WIZ: variants seen among roughly 807,000 people sequenced by gnomAD.
WIZ encodes WIZ zinc finger.
WIZ carries 25 observed loss-of-function variants against 140.2 expected under a neutral mutation model. That is an observed-to-expected ratio of 0.18 (90% CI 0.13 to 0.25). WIZ has a LOEUF of 0.25. Among genes scored for constraint, WIZ ranks in the 10% least tolerant of loss-of-function variants. WIZ has a pLI of 1.00. For synonymous variants in WIZ, 1,125 were observed against 1,154.3 expected, an observed-to-expected ratio of 0.97 and a Z score of 0.51; for missense variants, 2,231 against 2,632.6, an observed-to-expected ratio of 0.85 and a Z score of 3.34.
At chr19:15,437,206 C>A in intron 4 of WIZ, 77 bp from the exon 5 acceptor site, 2 of 1,368,100 alleles carry the variant, frequency 1.5e-6, no homozygotes, top group South Asian at 1.4e-5. Flanking sequence ...ATATTCAGGG[C>A]TTCACCCTGG....
In WIZ at chr19:15,421,891, C is replaced by T. The variant is rs1373376457; in HGVS notation, c.*1185G>A. On this transcript the variant is annotated 3_prime_UTR_variant, in exon 13 of 13. Coordinates refer to ENST00000673675, the MANE Select transcript of WIZ (RefSeq NM_001371589.1). ...CGCTTTGCCAGCCAGCCAGAGACCC[C>T]CTCCCAGCCATGGCCTAAAGAGCCA... 1.3e-5 allele frequency: 2 copies of T among 152,266 alleles called. No homozygotes were observed. Among genetic ancestry groups the T allele is most frequent in the Non-Finnish European group, 2.9e-5 (2 of 68,078 alleles). 9.4% of individuals were successfully genotyped at this position (152,266 alleles called of 1,614,324 possible).
In WIZ at chr19:15,427,534, C is replaced by G; in HGVS notation, c.3815-1G>C. The stretch of plus-strand genomic sequence containing the variant: ...TCTCGTGCTGGCTCTGGGCCTGAGG[C>G]TGCAGCAGGAGGAGAAAGGGGCAGT... On this transcript the variant is annotated splice_acceptor_variant, in intron 8 of 12. Coordinates refer to ENST00000673675, the MANE Select transcript of WIZ (RefSeq NM_001371589.1). LOFTEE classifies it high-confidence loss of function. The surrounding 1 kb of genome is among the most constrained non-coding windows in gnomAD (Gnocchi z 6.4). The G allele has an allele frequency of 6.2e-7, 1 of 1,602,296 alleles. No individual in the cohort carries two copies. The highest frequency in any genetic ancestry group is 8.5e-7 in the Non-Finnish European group (1 of 1,171,878).
rs78679545 is a variant in WIZ at position 15,442,405 on chromosome 19, G to C, written c.278+271C>G. 2.7e-4 allele frequency among the ~76,000 whole-genome samples: 41 copies of C among 152,306 alleles called. No homozygotes were observed. In the East Asian group the frequency reaches 7.5e-3, roughly 28 times the overall value. On this transcript the variant is annotated intron_variant, in intron 3 of 12. Coordinates refer to ENST00000673675, the MANE Select transcript of WIZ (RefSeq NM_001371589.1). The surrounding 1 kb of genome is among the most constrained non-coding windows in gnomAD (Gnocchi z 5.5). ...CATTCTAAGGGTCACCTGGCAGAGA[G>C]AGGACTTGAAGGGTCCAACATCCAG...
In WIZ at chr19:15,431,096, G is replaced by A; in HGVS notation, c.2827C>T (p.Leu943=). ...CTCAGCCGACTGGCCACCTGCTCCAGGGCCCCAGGGACAGGCAGGCTCTTC... is the reference window on the plus strand; with the variant it reads ...CTCAGCCGACTGGCCACCTGCTCCAAGGCCCCAGGGACAGGCAGGCTCTTC... ...PKKSLPVPGA[L]EQVASRLSSK... The change falls in exon 6 of 13, where the codon CTG becomes TTG. Residue 943 remains leucine, a synonymous_variant. Coordinates refer to ENST00000673675, the MANE Select transcript of WIZ (RefSeq NM_001371589.1). 1 of 1,535,970 alleles carries A rather than the reference G, an allele frequency of 6.5e-7. No individual in the cohort carries two copies. Among genetic ancestry groups the A allele is most frequent in the Non-Finnish European group, 8.7e-7 (1 of 1,146,838 alleles).
intron 2 of WIZ, among the ~76,000 whole-genome samples, chr19:15,446,046 T>C (rs917987316): frequency 6.6e-6 from 1 of 152,076 alleles, no homozygotes; most frequent in African/African-American, 2.4e-5. Flanking sequence ...AACCCAGGCA[T>C]TCTTCCAACA....
chr19:15,437,135 G>T lies in WIZ; in HGVS notation c.2417-6C>A. On this transcript the variant is annotated splice_region_variant and splice_polypyrimidine_tract_variant and intron_variant, in intron 4 of 12. Transcript: ENST00000673675. ...GCCTGGGTCAAAGTTGGCCACTGTGGAGAGAGGACAGGACTGCCTGAGGTG... is the reference window on the plus strand; with the variant it reads ...GCCTGGGTCAAAGTTGGCCACTGTGTAGAGAGGACAGGACTGCCTGAGGTG... 6.3e-7 allele frequency: 1 copy of T among 1,586,986 alleles called. No individual in the cohort carries two copies. Among genetic ancestry groups the T allele is most frequent in the South Asian group, 1.1e-5 (1 of 87,836 alleles).
At chr19:15,429,510 C>A in intron 7 of WIZ, 76 bp downstream of exon 7, 1 of 1,286,310 alleles carries the variant, frequency 7.8e-7, no homozygotes, top group Non-Finnish European at 9.9e-7. Context: ...GGCCCTGTCC[C>A]TGGGCTACAG....
Position 15,448,346 on chromosome 19 carries a change from G to C in WIZ, c.-39C>G. 1 of 1,604,144 alleles carries C rather than the reference G, an allele frequency of 6.2e-7. No homozygotes were observed. The highest frequency in any genetic ancestry group is 1.3e-5 in the African/African-American group (1 of 74,922). Reference sequence around the variant, plus strand: ...CTTGGATCCACTCAGCTGCTGCACCGGCTCAGCGGGGCATTGTGGGCCTGG... The same window carrying C: ...CTTGGATCCACTCAGCTGCTGCACCCGCTCAGCGGGGCATTGTGGGCCTGG... On this transcript the variant is annotated 5_prime_UTR_variant, in exon 2 of 13. Coordinates refer to ENST00000673675, the MANE Select transcript of WIZ (RefSeq NM_001371589.1).
At chr19:15,429,516 T>A in intron 7 of WIZ, 70 bp downstream of exon 7, 6 of 437,588 alleles carry the variant, frequency 1.4e-5, no homozygotes, top group African/African-American at 2.1e-5. Flanking sequence ...GTCCCTGGGC[T>A]ACAGCCCAAC....
At chr19:15,445,751 AG>A (rs1969896757) in intron 2 of WIZ, among the ~76,000 whole-genome samples, 1 of 152,052 alleles carries the variant, frequency 6.6e-6, no homozygotes, top group Non-Finnish European at 1.5e-5. Flanking sequence ...GGAGCTGCAG[AG>A]GGGGTGTGGG....
rs922465601 is a variant in WIZ, at chr19:15,421,636, C to T, written c.*1440G>A. Reference sequence around the variant, plus strand: ...TGGCTCCTCTTTTCCCCGCATGTTCCTTGGGTCAGGGGTGCATGTGTCTCA... The same window carrying T: ...TGGCTCCTCTTTTCCCCGCATGTTCTTTGGGTCAGGGGTGCATGTGTCTCA... On this transcript the variant is annotated 3_prime_UTR_variant, in exon 13 of 13. Coordinates refer to ENST00000673675, the MANE Select transcript of WIZ (RefSeq NM_001371589.1). The T allele has an allele frequency of 1.3e-5, 2 of 152,260 alleles. No individual in the cohort carries two copies. Among genetic ancestry groups the T allele is most frequent in the African/African-American group, 2.4e-5 (1 of 41,474 alleles). 9.4% of individuals were successfully genotyped at this position (152,260 alleles called of 1,614,324 possible). A position where few individuals can be genotyped will look rare whatever the true frequency, so the allele number is the denominator to read the frequency against.
Position 15,436,873 on chromosome 19 carries a change from G to A in WIZ, c.2673C>T (p.Pro891=), listed in dbSNP as rs1303366773. 2.5e-6 allele frequency: 4 copies of A among 1,612,642 alleles called. No individual in the cohort carries two copies. Among genetic ancestry groups the A allele is most frequent in the South Asian group, 1.1e-5 (1 of 90,996 alleles). ...PPGSFLTSRR[P]RLPLTVPFPP... ...GAAAGGGCACCGTGAGAGGTAAGCG[G>A]GGCCGACGGGAGGTCAGGAAGCTGC... Residue 891 remains proline, a synonymous_variant, in exon 5 of 13, where the codon CCC becomes CCT. Coordinates refer to ENST00000673675, the MANE Select transcript of WIZ (RefSeq NM_001371589.1).
In WIZ at chr19:15,424,849, T is replaced by C; in HGVS notation, c.5078A>G (p.Tyr1693Cys). ...GGTGAAGGGGCGGCCGCCCTGGATGTAGCTGCGGTAGGCGCCCACCTTCTG... is the reference window on the plus strand; with the variant it reads ...GGTGAAGGGGCGGCCGCCCTGGATGCAGCTGCGGTAGGCGCCCACCTTCTG... Reference protein sequence around the residue: ...RPQKVGAYRSYIQGGRPFTKK... With the variant: ...RPQKVGAYRSCIQGGRPFTKK... The change falls in exon 11 of 13, where the codon TAC becomes TGC. Residue 1693 changes from tyrosine to cysteine, a missense_variant. By Grantham distance (194) the Tyr-to-Cys change is radical. Around this residue, in one of 15 missense-constraint regions of WIZ, gnomAD observed 299 missense variants for 309.6 expected, o/e 0.97. Transcript: ENST00000673675. The surrounding 1 kb of genome is among the most constrained non-coding windows in gnomAD (Gnocchi z 9.7). The C allele has an allele frequency of 1.9e-6, 3 of 1,611,036 alleles. No homozygotes were observed. Among genetic ancestry groups the C allele is most frequent in the Non-Finnish European group, 2.5e-6 (3 of 1,179,368 alleles).
Position 15,436,952 on chromosome 19 carries a change from G to C in WIZ, c.2594C>G (p.Ser865Cys). The C allele has an allele frequency of 6.2e-7, 1 of 1,613,766 alleles. No individual in the cohort carries two copies. Among genetic ancestry groups the C allele is most frequent in the Non-Finnish European group, 8.5e-7 (1 of 1,179,824 alleles). The change falls in exon 5 of 13, where the codon TCT becomes TGT. Residue 865 changes from serine (S) to cysteine (C), a missense_variant. Coordinates refer to ENST00000673675, the MANE Select transcript of WIZ (RefSeq NM_001371589.1). ...GGGGCTGGGGGGCTGCTCAGCAGCA[G>C]AGGTGGCCAGCAGCTCCTGCAGGAT... is the stretch of plus-strand genomic sequence containing the variant. ...INILQELLAT[S>C]AAEQPPSPLG...
chr19:15,430,229 T>C, intron 6 of WIZ, 140 bp from the exon 7 acceptor site: 9 of 1,248,146 alleles, frequency 7.2e-6, no homozygotes, highest in Non-Finnish European at 3.2e-6. Context: ...AACCTCACAA[T>C]GACCCTAACA....
In WIZ at chr19:15,440,218, G is replaced by A. The variant is rs1409790035; in HGVS notation, c.776C>T (p.Ser259Leu). Reference sequence around the variant, plus strand: ...TGTCCAGGTCTGTGTGGCTACCTCCGAGGCTGACGTGGGTAGGCCCCACTC... The same window carrying A: ...TGTCCAGGTCTGTGTGGCTACCTCCAAGGCTGACGTGGGTAGGCCCCACTC... ...PSEWGLPTSA[S>L]EVATQTWTVN... Residue 259 changes from serine to leucine, a missense_variant, in exon 4 of 13, where the codon TCG (serine) becomes TTG (leucine). Around this residue, in one of 15 missense-constraint regions of WIZ, gnomAD observed 307 missense variants for 294.1 expected, o/e 1.04. Transcript: ENST00000673675. The surrounding 1 kb of genome is among the most constrained non-coding windows in gnomAD (Gnocchi z 6.2). 6.6e-6 allele frequency: 10 copies of A among 1,516,950 alleles called. No homozygotes were observed. Among genetic ancestry groups the A allele is most frequent in the Admixed American group, 2.1e-5 (1 of 47,482 alleles). 94.0% of individuals were successfully genotyped at this position (1,516,950 alleles called of 1,614,324 possible).
chr19:15,433,894 T>TTGTGAG (rs1386372551), intron 5 of WIZ, among the ~76,000 whole-genome samples: 2 of 152,152 alleles, frequency 1.3e-5, no homozygotes, highest in Non-Finnish European at 2.9e-5. Context: ...TCAAGTGGGC[T>TTGTGAG]TGTGAGTGGG....
In WIZ at chr19:15,424,903, G is replaced by A; in HGVS notation, c.5024C>T (p.Thr1675Ile). The A allele has an allele frequency of 6.2e-7, 1 of 1,609,990 alleles. No homozygotes were observed. The highest frequency in any genetic ancestry group is 1.1e-5 in the South Asian group (1 of 90,462). Residue 1675 changes from threonine (T) to isoleucine (I), a missense_variant, in exon 11 of 13, where the codon ACA becomes ATA. By Grantham distance (89) the Thr-to-Ile change is moderately conservative. Around this residue, in one of 15 missense-constraint regions of WIZ, gnomAD observed 18 missense variants for 61.4 expected, o/e 0.29. Coordinates refer to ENST00000673675, the MANE Select transcript of WIZ (RefSeq NM_001371589.1). The surrounding 1 kb of genome is among the most constrained non-coding windows in gnomAD (Gnocchi z 9.7). ...EWCVNGSPIE[T>I]LSEWIKHRPQ... is the part of the protein sequence containing the mutation. ...CCGGTGTTTGATCCACTCGCTCAGT[G>A]TCTCGATGGGCGAGCCATTGACGCA...
At chr19:15,431,872 A>C (rs770541529) in intron 5 of WIZ, among the ~76,000 whole-genome samples, 16 of 152,232 alleles carry the variant, frequency 1.1e-4, no homozygotes, top group Non-Finnish European at 2.9e-5. Flanking sequence ...AGAGGGAACC[A>C]AGGGTGAATT....
Sources: gnomAD v4.1 joint callset for allele counts (sites outside exome capture counted in the v4.1 genomes callset) on GRCh38, gnomAD v4.1.1 for gene constraint, gnomAD v4.1.1 regional missense constraint, Gnocchi (gnomAD v3.1) non-coding constraint, MANE v1.5 for transcripts, NCBI Gene and HGNC (gene_info 2026-07-23, HGNC 2026-07-21) for gene names.